CRPPA: variants seen among roughly 807,000 people sequenced by gnomAD.
The protein encoded by CRPPA is D-ribitol-5-phosphate cytidylyltransferase.
CRPPA carries 43 observed loss-of-function variants against 52.0 expected under a neutral mutation model. The observed-to-expected ratio is 0.83, with a 90% confidence interval of 0.65 to 1.07. The LOEUF (loss-of-function observed/expected upper bound fraction) is 1.07, where lower values mean the gene tolerates loss of function less well. CRPPA is among the 50% of genes least tolerant of loss of function. The pLI is 0.00. For synonymous variants in CRPPA, 250 were observed against 203.5 expected, an observed-to-expected ratio of 1.23 and a Z score of -1.94; for missense variants, 629 against 551.7, an observed-to-expected ratio of 1.14 and a Z score of -1.40.
intron 9 of CRPPA, among the ~76,000 whole-genome samples, chr7:16,128,228 C>T (rs550839388): frequency 1.3e-5 from 2 of 151,960 alleles, no homozygotes; most frequent in South Asian, 4.2e-4. Context: ...CACACGTTTA[C>T]CTATATAGCA....
chr7:16,246,780 T>C (rs1432486985), intron 8 of CRPPA, among the ~76,000 whole-genome samples: 1 of 152,258 alleles, frequency 6.6e-6, no homozygotes, highest in Non-Finnish European at 1.5e-5. Context: ...TAAACCATGC[T>C]GTAAGCAGAT....
At chr7:16,367,175 A>T (rs1472868090) in intron 3 of CRPPA, among the ~76,000 whole-genome samples, 2 of 28,752 alleles carry the variant, frequency 7.0e-5, no homozygotes, top group Non-Finnish European at 1.3e-4. Context: ...GTCAAAATTT[A>T]AAAAAAAAAC....
chr7:16,193,981 T>C (rs2128391324), intron 9 of CRPPA, among the ~76,000 whole-genome samples: 1 of 152,248 alleles, frequency 6.6e-6, no homozygotes, highest in African/African-American at 2.4e-5. Context: ...TTTTGGCTGA[T>C]ATCACGAAAA....
At chr7:16,314,438 G>A (rs988136840) in intron 3 of CRPPA, among the ~76,000 whole-genome samples, 12 of 152,050 alleles carry the variant, frequency 7.9e-5, no homozygotes, top group Middle Eastern at 3.4e-3. Flanking sequence ...CAGATACATC[G>A]TTGCTATTAT....
At chr7:16,250,953 C>T (rs1359619807) in intron 8 of CRPPA, among the ~76,000 whole-genome samples, 2 of 151,770 alleles carry the variant, frequency 1.3e-5, no homozygotes, top group Non-Finnish European at 2.9e-5. Flanking sequence ...CAGTCAAGAA[C>T]CATCAGTGTG....
chr7:16,392,827 C>A (rs1409138823), intron 2 of CRPPA, among the ~76,000 whole-genome samples: 1 of 152,024 alleles, frequency 6.6e-6, no homozygotes, highest in Non-Finnish European at 1.5e-5. Context: ...CCTCCCCTAC[C>A]CAACAAACAG....
intron 3 of CRPPA, among the ~76,000 whole-genome samples, chr7:16,370,097 T>C (rs980615346): frequency 1.3e-5 from 2 of 152,192 alleles, no homozygotes; most frequent in Non-Finnish European, 2.9e-5. Flanking sequence ...AAGCCATTCC[T>C]GACTATATTT....
At chr7:16,093,957 C>G (rs1488760403) in intron 9 of CRPPA, among the ~76,000 whole-genome samples, 1 of 152,012 alleles carries the variant, frequency 6.6e-6, no homozygotes, top group Non-Finnish European at 1.5e-5. Flanking sequence ...TCTCTATCAC[C>G]CCGTTGAAAC....
chr7:16,334,160 C>G (rs59093869), intron 3 of CRPPA, among the ~76,000 whole-genome samples: 41,539 of 152,036 alleles, frequency 0.27, 5,704 homozygotes, highest in Non-Finnish European at 0.3. Flanking sequence ...AACTAGCCAA[C>G]TGAAGTGCAG....
At chr7:16,308,415 G>A (rs571437580) in intron 4 of CRPPA, 108 bp downstream of exon 4, 13 of 656,186 alleles carry the variant, frequency 2.0e-5, no homozygotes, top group East Asian at 1.9e-4. Context: ...CAGTAAACCC[G>A]TGAGACTCCC....
At chr7:16,174,786 T>C (rs1289392915) in intron 9 of CRPPA, among the ~76,000 whole-genome samples, 2 of 152,198 alleles carry the variant, frequency 1.3e-5, no homozygotes, top group Non-Finnish European at 2.9e-5. Flanking sequence ...AGAAGAATTA[T>C]ATCTTTCAGT....
At position 16,406,177 on chromosome 7, in the gene CRPPA, C is replaced by G; in HGVS notation, c.418G>C (p.Asp140His). Residue 140 changes from aspartate (D) to histidine (H), a missense_variant, in exon 2 of 10, where the codon GAT becomes CAT. Physicochemically the swap from Asp to His is moderately conservative, Grantham distance 81. Coordinates refer to ENST00000407010, the MANE Select transcript of CRPPA (RefSeq NM_001101426.4). The part of the protein sequence containing the change: ...IFNGLKALAE[D>H]QINSKLSKPE... ...TTAGAGAGTTTAGAGTTGATCTGATCTTCTGCCAGTGCTTTTAGTCCATTG... is the reference window on the plus strand; with the variant it reads ...TTAGAGAGTTTAGAGTTGATCTGATGTTCTGCCAGTGCTTTTAGTCCATTG... 1 of 1,613,986 alleles carries G rather than the reference C, an allele frequency of 6.2e-7. No individual in the cohort carries two copies. The highest frequency in any genetic ancestry group is 1.7e-5 in the Admixed American group (1 of 60,018).
At chr7:16,415,807 T>C (rs1044159738) in intron 1 of CRPPA, among the ~76,000 whole-genome samples, 7 of 152,178 alleles carry the variant, frequency 4.6e-5, no homozygotes, top group Admixed American at 1.3e-4. Flanking sequence ...GTCAAGGAAG[T>C]AGTGGAAACA....
rs982239266 is a variant in CRPPA at position 16,406,104 on chromosome 7, T to A, written c.491A>T (p.Glu164Val). 6.2e-7 allele frequency: 1 copy of A among 1,613,896 alleles called. No individual in the cohort carries two copies. The highest frequency in any genetic ancestry group is 2.2e-5 in the East Asian group (1 of 44,878). ...TGTGACAACTTTAAGAAGGACACCT[T>A]CCTCAACAAATGGTCTCACAGCATC... ...IHDAVRPFVE[E>V]GVLLKVVTAA... Residue 164 changes from glutamate to valine, a missense_variant, in exon 2 of 10, where the codon GAA (glutamate) becomes GTA (valine). Transcript: ENST00000407010.
chr7:16,349,968 C>T (rs1200842547), intron 3 of CRPPA, among the ~76,000 whole-genome samples: 2 of 151,888 alleles, frequency 1.3e-5, no homozygotes, highest in African/African-American at 4.8e-5. Context: ...AATCAGATGG[C>T]CAAAAGTTAA....
chr7:16,359,997 T>A (rs943266995), intron 3 of CRPPA, among the ~76,000 whole-genome samples: 4 of 152,216 alleles, frequency 2.6e-5, no homozygotes, highest in African/African-American at 9.6e-5. Context: ...TGCTTCTATG[T>A]CCTCCATTTT....
rs2128360654 is a variant in CRPPA at position 16,090,282 on chromosome 7, A to T, written c.*1413T>A. ...ATATATACTTGAACACTAGAGGGAAAATCACCCAACATGTTAAATAAAAAT... is the reference window on the plus strand; with the variant it reads ...ATATATACTTGAACACTAGAGGGAATATCACCCAACATGTTAAATAAAAAT... On this transcript the variant is annotated 3_prime_UTR_variant, in exon 10 of 10. Transcript: ENST00000407010. The T allele has an allele frequency of 6.6e-6, 1 of 152,266 alleles. No homozygotes were observed. The allele number at this position is 152,266 out of a possible 1,614,324, so 9.4% of individuals were successfully genotyped here. A position where few individuals can be genotyped will look rare whatever the true frequency, so the allele number is the denominator to read the frequency against.
chr7:16,322,518 A>G (rs1460167225), intron 3 of CRPPA, among the ~76,000 whole-genome samples: 1 of 152,168 alleles, frequency 6.6e-6, no homozygotes, highest in Non-Finnish European at 1.5e-5. Flanking sequence ...AATTCTCAAA[A>G]TAAGAAAATC....
intron 5 of CRPPA, among the ~76,000 whole-genome samples, chr7:16,292,386 G>C (rs1784581621): frequency 6.6e-6 from 1 of 151,934 alleles, no homozygotes; most frequent in South Asian, 2.1e-4. Context: ...GGTCCAAGTG[G>C]AGGAAGTAAG....
Sources: gnomAD v4.1 joint callset for allele counts (sites outside exome capture counted in the v4.1 genomes callset) on GRCh38, gnomAD v4.1.1 for gene constraint, MANE v1.5 for transcripts, NCBI Gene and HGNC (gene_info 2026-07-23, HGNC 2026-07-21) for gene names.